The following RABGAP1L variants were observed in gnomAD, a reference collection of about 807,000 sequenced individuals.
The protein encoded by RABGAP1L is RAB GTPase activating protein 1 like, also known as rab GTPase-activating protein 1-like.
RABGAP1L carries 63 observed loss-of-function variants against 137.7 expected under a neutral mutation model. That is an observed-to-expected ratio of 0.46 (90% CI 0.37 to 0.56). The LOEUF is 0.56. Among genes scored for constraint, RABGAP1L ranks in the 20% least tolerant of loss-of-function variants. The probability of loss-of-function intolerance (pLI) is 0.00; values close to 1 mark genes in which losing one functional copy is unlikely to be tolerated. For synonymous variants in RABGAP1L, 431 were observed against 433.7 expected, an observed-to-expected ratio of 0.99 and a Z score of 0.08; for missense variants, 1,095 against 1,244.0, an observed-to-expected ratio of 0.88 and a Z score of 1.80.
intron 17 of RABGAP1L, among the ~76,000 whole-genome samples, chr1:174,717,828 A>G (rs1168477573): frequency 1.3e-5 from 2 of 152,224 alleles, no homozygotes; most frequent in Non-Finnish European, 2.9e-5. Flanking sequence ...TCAGAAGAGC[A>G]TGGTAACAGT....
chr1:174,495,375 CA>C (rs1362301192), intron 13 of RABGAP1L, among the ~76,000 whole-genome samples: 3 of 152,244 alleles, frequency 2.0e-5, no homozygotes, highest in African/African-American at 7.2e-5. Context: ...GCTCTTCCCC[CA>C]TTCACCTATG....
chr1:174,272,988 A>G (rs1163464141), intron 8 of RABGAP1L, among the ~76,000 whole-genome samples: 1 of 152,054 alleles, frequency 6.6e-6, no homozygotes, highest in Non-Finnish European at 1.5e-5. Flanking sequence ...TATATATTCA[A>G]CAGTTGATAT....
Position 174,976,055 on chromosome 1 carries a change from CTGT to C in RABGAP1L, c.2545-22_2545-20del. 7.4e-7 allele frequency: 1 copy of C among 1,354,894 alleles called. No individual in the cohort carries two copies. The highest frequency in any genetic ancestry group is 1.0e-6 in the Non-Finnish European group (1 of 970,916). The allele number at this position is 1,354,894 out of a possible 1,614,324, so 83.9% of individuals were successfully genotyped here. On this transcript the variant is annotated intron_variant, in intron 21 of 25. Transcript: ENST00000681986. ...CCCTCTGTATGACTGTGATGTATGA[CTGT>C]GATGCACCATGATTTGCAGGCAGAA... is the stretch of plus-strand genomic sequence containing the variant.
At chr1:174,416,019 CA>C (rs1650522214) in intron 13 of RABGAP1L, among the ~76,000 whole-genome samples, 2 of 129,050 alleles carry the variant, frequency 1.5e-5, no homozygotes, top group Non-Finnish European at 3.1e-5. Flanking sequence ...AGAAAATTTA[CA>C]TATATATATA....
intron 13 of RABGAP1L, among the ~76,000 whole-genome samples, chr1:174,456,686 A>T (rs1307963891): frequency 2.0e-5 from 3 of 152,166 alleles, no homozygotes; most frequent in African/African-American, 7.2e-5. Flanking sequence ...AAGGAACTCA[A>T]ATTAGGCAAA....
At position 174,390,332 on chromosome 1, in the gene RABGAP1L, A is replaced by G. The variant is rs529154078; in HGVS notation, c.1560-3663A>G. On this transcript the variant is annotated intron_variant, in intron 12 of 25. Coordinates refer to ENST00000681986, the MANE Select transcript of RABGAP1L (RefSeq NM_001366446.1). ...CCAAACAAGTGGCTGAGGGTCAGCTAGAAACTGAATGTCAATTGAGTTAGA... is the reference window on the plus strand; with the variant it reads ...CCAAACAAGTGGCTGAGGGTCAGCTGGAAACTGAATGTCAATTGAGTTAGA... Among the ~76,000 whole-genome samples, 17 of 152,352 alleles carry G rather than the reference A, an allele frequency of 1.1e-4. No individual in the cohort carries two copies. The South Asian group carries it at 2.3e-3, about 20-fold the overall frequency.
At chr1:174,299,547 A>T (rs1677463266) in intron 10 of RABGAP1L, among the ~76,000 whole-genome samples, 1 of 152,252 alleles carries the variant, frequency 6.6e-6, no homozygotes, top group South Asian at 2.1e-4. Flanking sequence ...AGGCTCACAG[A>T]TAGTTTTCAA....
At position 174,504,797 on chromosome 1, in the gene RABGAP1L, T is replaced by A. The variant is rs539664930; in HGVS notation, c.1710+110652T>A. On this transcript the variant is annotated intron_variant, in intron 13 of 25. Transcript: ENST00000681986. ...AAGACAGTGTAGGGGAAAAGCTCCA[T>A]GACATTGGTCTGGGCAATGATGTTT... Among the ~76,000 whole-genome samples the A allele has an allele frequency of 2.0e-5, 3 of 152,232 alleles. No homozygotes were observed. In the East Asian group the frequency reaches 5.8e-4, roughly 29 times the overall value.
At chr1:174,541,254 C>T (rs148394129) in intron 13 of RABGAP1L, among the ~76,000 whole-genome samples, 17,978 of 152,076 alleles carry the variant, frequency 0.12, 1,397 homozygotes, top group South Asian at 0.17. Context: ...AATTTGACTT[C>T]CCCTTTTCCT....
intron 19 of RABGAP1L, among the ~76,000 whole-genome samples, chr1:174,916,642 C>G (rs1306285733): frequency 6.6e-6 from 1 of 152,166 alleles, no homozygotes; most frequent in Non-Finnish European, 1.5e-5. Context: ...TATACACAAT[C>G]CAAATTTGAT....
At chr1:174,876,322 A>G (rs943288272) in intron 19 of RABGAP1L, among the ~76,000 whole-genome samples, 2 of 152,202 alleles carry the variant, frequency 1.3e-5, no homozygotes, top group South Asian at 2.1e-4. Flanking sequence ...TCTAGTTCTA[A>G]CAAAGAATAT....
chr1:174,451,613 C>T (rs1418024206), intron 13 of RABGAP1L, among the ~76,000 whole-genome samples: 1 of 152,210 alleles, frequency 6.6e-6, no homozygotes, highest in African/African-American at 2.4e-5. Flanking sequence ...GCCTGCTTCA[C>T]CGGTAGGCTG....
At chr1:174,808,658 C>CA (rs1558100869) in intron 18 of RABGAP1L, among the ~76,000 whole-genome samples, 2 of 143,414 alleles carry the variant, frequency 1.4e-5, no homozygotes, top group African/African-American at 5.1e-5. Flanking sequence ...TTCTTTCTTT[C>CA]TTTTTTTTTT....
At chr1:174,902,331 C>G (rs74628364) in intron 19 of RABGAP1L, among the ~76,000 whole-genome samples, 3,659 of 152,288 alleles carry the variant, frequency 0.024, 144 homozygotes, top group African/African-American at 0.083. Context: ...CTCTCCCCCC[C>G]AGGAACTCAG....
intron 13 of RABGAP1L, among the ~76,000 whole-genome samples, chr1:174,516,939 A>ATAAATAAG (rs1662917318): frequency 6.7e-6 from 1 of 148,924 alleles, no homozygotes; most frequent in African/African-American, 2.5e-5. Flanking sequence ...AAATAAATAA[A>ATAAATAAG]TAAATAAATA....
At chr1:174,280,527 C>T (rs902136732) in intron 10 of RABGAP1L, among the ~76,000 whole-genome samples, 5 of 152,156 alleles carry the variant, frequency 3.3e-5, no homozygotes, top group Non-Finnish European at 7.4e-5. Context: ...ACATGAGATG[C>T]CCTGTTCCCA....
chr1:174,391,477 C>A (rs1036498773), intron 12 of RABGAP1L, among the ~76,000 whole-genome samples: 3 of 152,004 alleles, frequency 2.0e-5, no homozygotes, highest in Non-Finnish European at 4.4e-5. Flanking sequence ...CCACCATGGC[C>A]GGCTAAGTTT....
At chr1:174,277,845 T>C (rs1675128261) in intron 9 of RABGAP1L, among the ~76,000 whole-genome samples, 1 of 152,174 alleles carries the variant, frequency 6.6e-6, no homozygotes. Flanking sequence ...TTAGTTTCTC[T>C]TGAATTGGCA....
intron 13 of RABGAP1L, among the ~76,000 whole-genome samples, chr1:174,546,384 G>A (rs1666011857): frequency 6.6e-6 from 1 of 152,134 alleles, no homozygotes; most frequent in Non-Finnish European, 1.5e-5. Context: ...TTGAGATAGT[G>A]ACTCAGTTTT....
Sources: gnomAD v4.1 joint callset for allele counts (sites outside exome capture counted in the v4.1 genomes callset) on GRCh38, gnomAD v4.1.1 for gene constraint, MANE v1.5 for transcripts, NCBI Gene and HGNC (gene_info 2026-07-23, HGNC 2026-07-21) for gene names.